Variants in ERAP1 observed in about 807,000 individuals in gnomAD.
ERAP1 encodes the protein adipocyte-derived leucine aminopeptidase.
In ERAP1, 86 loss-of-function variants were observed where a neutral mutation model predicts 103.7. The ratio of observed to expected loss-of-function variants is 0.83; its 90% CI spans 0.70 to 0.99. The LOEUF (loss-of-function observed/expected upper bound fraction) is 0.99, where lower values mean the gene tolerates loss of function less well. Ranked by LOEUF, ERAP1 falls within the 50% of genes least tolerant of loss-of-function variation. The probability of loss-of-function intolerance (pLI) is 0.00; values close to 1 mark genes in which losing one functional copy is unlikely to be tolerated. For synonymous variants in ERAP1, 398 were observed against 402.4 expected, an observed-to-expected ratio of 0.99 and a Z score of 0.13; for missense variants, 1,009 against 1,128.4, an observed-to-expected ratio of 0.89 and a Z score of 1.52.
chr5:96,903,468 G>A, the ERAP1 span: 18 of 1,613,964 alleles, frequency 1.1e-5, no homozygotes, highest in South Asian at 1.8e-4. Context: ...GTCATGGATG[G>A]GACCAACTCA....
downstream of ERAP1, chr5:96,773,558 TAA>T (rs1358906319): frequency 3.9e-5 from 6 of 152,188 alleles, no homozygotes; most frequent in Non-Finnish European, 7.4e-5. Context: ...TTATGGAACT[TAA>T]GTTTACCAAA....
the ERAP1 span, among the ~76,000 whole-genome samples, chr5:96,824,884 A>T: frequency 6.6e-6 from 1 of 152,076 alleles, no homozygotes; most frequent in Non-Finnish European, 1.5e-5. Flanking sequence ...CCCTATTTCT[A>T]CCAAAAATTA....
the ERAP1 span, among the ~76,000 whole-genome samples, chr5:96,869,579 G>T: frequency 6.6e-6 from 1 of 152,200 alleles, no homozygotes; most frequent in African/African-American, 2.4e-5. Flanking sequence ...TGGAACAAAG[G>T]GCTTGGGGTT....
intron 7 of ERAP1, 136 bp from the exon 8 acceptor site, chr5:96,792,328 T>C: frequency 1.4e-6 from 1 of 724,930 alleles, no homozygotes; most frequent in South Asian, 1.6e-5. Flanking sequence ...TTTCCTAATA[T>C]TTATGAAACA....
the ERAP1 span, chr5:96,918,158 A>G: frequency 2.6e-5 from 4 of 152,494 alleles, no homozygotes; most frequent in East Asian, 7.5e-4. Flanking sequence ...TATCCTATTT[A>G]AAAGTAAACT....
the ERAP1 span, chr5:96,902,340 A>G: frequency 9.3e-6 from 15 of 1,609,432 alleles, no homozygotes; most frequent in African/African-American, 2.7e-5. Context: ...GACACATTCT[A>G]AAATCAAAGA....
intron 19 of ERAP1, among the ~76,000 whole-genome samples, chr5:96,763,435 T>C (rs1246478263): frequency 1.3e-5 from 2 of 152,214 alleles, no homozygotes; most frequent in Non-Finnish European, 2.9e-5. Flanking sequence ...GAAGAATCAT[T>C]AATAGCCTAG....
the ERAP1 span, chr5:96,896,572 G>A: frequency 6.4e-7 from 1 of 1,552,726 alleles, no homozygotes; most frequent in Non-Finnish European, 8.7e-7. Context: ...AGAATCAGCA[G>A]TTTAAGTCAC....
intron 3 of ERAP1, among the ~76,000 whole-genome samples, chr5:96,797,986 T>C (rs1777531863): frequency 6.6e-6 from 1 of 152,166 alleles, no homozygotes; most frequent in South Asian, 2.1e-4. Context: ...GGGGAAAATA[T>C]ATAACCCTGT....
At chr5:96,857,469 C>T in the ERAP1 span, among the ~76,000 whole-genome samples, 1 of 151,674 alleles carries the variant, frequency 6.6e-6, no homozygotes, top group Non-Finnish European at 1.5e-5. Flanking sequence ...TGATGAAATA[C>T]AAAACTAAAA....
chr5:96,902,215 A>G, the ERAP1 span: 3 of 1,172,480 alleles, frequency 2.6e-6, no homozygotes, highest in Non-Finnish European at 3.8e-6. Context: ...GAGTCTGACA[A>G]TGTGAAAAAT....
the ERAP1 span, among the ~76,000 whole-genome samples, chr5:96,880,628 T>C: frequency 1.3e-5 from 2 of 152,140 alleles, no homozygotes; most frequent in Non-Finnish European, 2.9e-5. Flanking sequence ...GAGACTGGGA[T>C]TGGGAGAGAG....
the ERAP1 span, among the ~76,000 whole-genome samples, chr5:96,884,928 C>T: frequency 6.7e-6 from 1 of 149,844 alleles, no homozygotes; most frequent in Non-Finnish European, 1.5e-5. Flanking sequence ...GAGAAAACAG[C>T]TAAATCCTTG....
chr5:96,777,987 C>T (rs537056895), intron 18 of ERAP1, among the ~76,000 whole-genome samples: 10 of 152,244 alleles, frequency 6.6e-5, no homozygotes, highest in Non-Finnish European at 1.3e-4. Flanking sequence ...TTGATTTGAG[C>T]AAATGATTTA....
the ERAP1 span, among the ~76,000 whole-genome samples, chr5:96,858,475 G>T: frequency 6.6e-6 from 1 of 152,140 alleles, no homozygotes; most frequent in Non-Finnish European, 1.5e-5. Context: ...GGAATTACAG[G>T]TGTGAGCCAC....
the ERAP1 span, among the ~76,000 whole-genome samples, chr5:96,933,453 G>A: frequency 6.6e-6 from 1 of 152,018 alleles, no homozygotes; most frequent in Non-Finnish European, 1.5e-5. Flanking sequence ...GTCTTTGTGT[G>A]TGTGAAGGAA....
chr5:96,840,517 A>G, the ERAP1 span, among the ~76,000 whole-genome samples: 1 of 152,164 alleles, frequency 6.6e-6, no homozygotes, highest in East Asian at 1.9e-4. Flanking sequence ...GATTGTTCTA[A>G]CCTAGCAACA....
At chr5:96,760,971 G>C (rs1767748138) in exon 20 of ERAP1, 1 of 151,880 alleles carries the variant, frequency 6.6e-6, no homozygotes, top group Non-Finnish European at 1.5e-5. Flanking sequence ...CTAAACACTA[G>C]CATATGTTAT....
chr5:96,830,796 G>A, the ERAP1 span, among the ~76,000 whole-genome samples: 1 of 152,152 alleles, frequency 6.6e-6, no homozygotes, highest in Non-Finnish European at 1.5e-5. Flanking sequence ...TGCACACAGG[G>A]TGCTTCAGCT....
Sources: allele counts gnomAD v4.1 joint callset (sites outside exome capture counted in the v4.1 genomes callset), GRCh38; gene constraint gnomAD v4.1.1; transcripts MANE v1.5; gene names NCBI Gene and HGNC (gene_info 2026-07-23, HGNC 2026-07-21).